ADAMTSL1: variants seen among roughly 807,000 people sequenced by gnomAD.
ADAMTSL1 encodes the protein ADAMTS like 1, also known as ADAMTS-like protein 1.
Under a neutral mutation model 201.8 loss-of-function variants are expected in ADAMTSL1, and 126 were observed. The observed-to-expected ratio is 0.62, with a 90% CI of 0.54 to 0.72. The LOEUF (loss-of-function observed/expected upper bound fraction) is 0.72, where lower values mean the gene tolerates loss of function less well. ADAMTSL1 is among the 30% of genes least tolerant of loss of function. ADAMTSL1 has a pLI of 0.00. For missense variants in ADAMTSL1, 2,679 were observed against 2,277.8 expected (o/e 1.18, Z -3.59); for synonymous variants, 1,121 against 903.4 (o/e 1.24, Z -4.32).
intron 2 of ADAMTSL1, among the ~76,000 whole-genome samples, chr9:18,527,823 A>G (rs1258505765): frequency 6.6e-6 from 1 of 152,188 alleles, no homozygotes; most frequent in Non-Finnish European, 1.5e-5. Flanking sequence ...TAAAATGGTG[A>G]TTAAGCAAAT....
chr9:18,737,494 G>C (rs771822963), intron 15 of ADAMTSL1, among the ~76,000 whole-genome samples: 20 of 152,106 alleles, frequency 1.3e-4, no homozygotes, highest in Non-Finnish European at 2.2e-4. Flanking sequence ...GTCACATGAA[G>C]AACTTGGTGC....
chr9:18,364,935 G>A (rs936251871), intron 2 of ADAMTSL1, among the ~76,000 whole-genome samples: 2 of 151,880 alleles, frequency 1.3e-5, no homozygotes, highest in African/African-American at 2.4e-5. Flanking sequence ...TCAGAACTCC[G>A]CCCCCATGAT....
At chr9:18,837,213 T>G (rs1205630856) in intron 23 of ADAMTSL1, among the ~76,000 whole-genome samples, 1 of 152,248 alleles carries the variant, frequency 6.6e-6, no homozygotes, top group Non-Finnish European at 1.5e-5. Flanking sequence ...CGTTCTCATA[T>G]TTTCTTCTAG....
At position 18,633,570 on chromosome 9, in the gene ADAMTSL1, G is replaced by A. The variant is rs142942868; in HGVS notation, c.602-2373G>A. ...CAATCATGCTACTGCACTCTAGCCT[G>A]GGTAACAAAGTGAGACTCCATCTCA... On this transcript the variant is annotated intron_variant, in intron 5 of 28. Coordinates refer to ENST00000380548, the MANE Select transcript of ADAMTSL1 (RefSeq NM_001040272.6). 2.4e-3 allele frequency among the ~76,000 whole-genome samples: 357 copies of A among 151,408 alleles called. 3 individuals are homozygous for A. Among genetic ancestry groups the A allele is most frequent in the African/African-American group, 8.2e-3 (337 of 41,284 alleles).
intron 2 of ADAMTSL1, among the ~76,000 whole-genome samples, chr9:18,263,856 T>C (rs1338521716): frequency 6.6e-6 from 1 of 152,128 alleles, no homozygotes; most frequent in Non-Finnish European, 1.5e-5. Flanking sequence ...AAGAGAGCCC[T>C]CAGCAGAAAT....
At chr9:18,531,591 G>C (rs1819449754) in intron 2 of ADAMTSL1, among the ~76,000 whole-genome samples, 2 of 152,248 alleles carry the variant, frequency 1.3e-5, no homozygotes, top group African/African-American at 4.8e-5. Context: ...ATATTTTTAA[G>C]ATAGTCTGTG....
At chr9:18,690,078 G>A (rs139249281) in intron 13 of ADAMTSL1, among the ~76,000 whole-genome samples, 21 of 152,270 alleles carry the variant, frequency 1.4e-4, no homozygotes, top group African/African-American at 5.1e-4. Context: ...GCTTAGCAAT[G>A]GGGTTTATTC....
At chr9:18,261,083 CG>C (rs145256334) in intron 2 of ADAMTSL1, among the ~76,000 whole-genome samples, 9,102 of 66,708 alleles carry the variant, frequency 0.14, 532 homozygotes, top group Middle Eastern at 0.3. Context: ...AAGTGTGGGG[CG>C]GGGGGTGGGG....
At chr9:17,956,944 G>C (rs985826171) in intron 1 of ADAMTSL1, among the ~76,000 whole-genome samples, 1 of 152,082 alleles carries the variant, frequency 6.6e-6, no homozygotes, top group African/African-American at 2.4e-5. Context: ...TAGCTTGCAA[G>C]AATTAAAATC....
intron 2 of ADAMTSL1, among the ~76,000 whole-genome samples, chr9:18,329,142 C>G (rs138551081): frequency 3.9e-5 from 6 of 152,026 alleles, no homozygotes; most frequent in Non-Finnish European, 7.4e-5. Flanking sequence ...ATAAAAGAGA[C>G]CACAGAGAGC....
chr9:18,217,886 G>A (rs115838439), intron 2 of ADAMTSL1, among the ~76,000 whole-genome samples: 145 of 152,046 alleles, frequency 9.5e-4, no homozygotes, highest in African/African-American at 3.3e-3. Flanking sequence ...GGCAATGTAC[G>A]TGCTGAGAAG....
At chr9:18,503,117 A>G (rs560695989) in intron 1 of ADAMTSL1, among the ~76,000 whole-genome samples, 1 of 151,932 alleles carries the variant, frequency 6.6e-6, no homozygotes, top group South Asian at 2.1e-4. Context: ...ATACATTCAC[A>G]TTGTTTTGCA....
chr9:18,316,868 T>TG (rs1424083587), intron 2 of ADAMTSL1, among the ~76,000 whole-genome samples: 3 of 152,180 alleles, frequency 2.0e-5, no homozygotes, highest in African/African-American at 7.2e-5. Context: ...TCCCTCCGTT[T>TG]GGGGTCCCTG....
At chr9:17,921,840 C>T (rs1370461348) in intron 1 of ADAMTSL1, among the ~76,000 whole-genome samples, 1 of 152,118 alleles carries the variant, frequency 6.6e-6, no homozygotes, top group Non-Finnish European at 1.5e-5. Context: ...ACAGCTCTCT[C>T]CATCCCTATT....
At chr9:18,330,441 C>T (rs1235519261) in intron 2 of ADAMTSL1, among the ~76,000 whole-genome samples, 3 of 151,806 alleles carry the variant, frequency 2.0e-5, no homozygotes, top group South Asian at 4.2e-4. Flanking sequence ...TCATAACCTT[C>T]TTTGTTTCAT....
At chr9:18,436,981 C>G (rs1418534293) in intron 2 of ADAMTSL1, among the ~76,000 whole-genome samples, 1 of 152,042 alleles carries the variant, frequency 6.6e-6, no homozygotes, top group African/African-American at 2.4e-5. Flanking sequence ...CTAAAACAAC[C>G]CTTCAGAACT....
intron 2 of ADAMTSL1, among the ~76,000 whole-genome samples, chr9:18,197,593 G>C (rs1258349331): frequency 6.8e-6 from 1 of 147,424 alleles, no homozygotes. Flanking sequence ...AGACAATGCG[G>C]TTTTCTAGAT....
intron 2 of ADAMTSL1, among the ~76,000 whole-genome samples, chr9:18,393,449 GA>G (rs901785701): frequency 2.0e-5 from 3 of 152,138 alleles, no homozygotes; most frequent in African/African-American, 4.8e-5. Flanking sequence ...CACATACTGG[GA>G]AACCCCTCAG....
chr9:17,961,962 T>A (rs932540758), intron 1 of ADAMTSL1, among the ~76,000 whole-genome samples: 5 of 152,156 alleles, frequency 3.3e-5, no homozygotes, highest in African/African-American at 1.2e-4. Flanking sequence ...TAGCATTCAC[T>A]CTTATACAGA....
Sources: allele counts gnomAD v4.1 joint callset (sites outside exome capture counted in the v4.1 genomes callset), GRCh38; gene constraint gnomAD v4.1.1; transcripts MANE v1.5; gene names NCBI Gene and HGNC (gene_info 2026-07-23, HGNC 2026-07-21).